The following RIMKLB variants were observed in gnomAD, a reference collection of about 807,000 sequenced individuals.
The protein encoded by RIMKLB is beta-citrylglutamate synthase B.
Under a neutral mutation model 32.0 loss-of-function variants are expected in RIMKLB, and 7 were observed. That is an observed-to-expected ratio of 0.22 (90% CI 0.12 to 0.41). The LOEUF (loss-of-function observed/expected upper bound fraction) is 0.41, where lower values mean the gene tolerates loss of function less well. RIMKLB is among the 10% of genes least tolerant of loss of function. The probability of loss-of-function intolerance (pLI) is 1.00; values close to 1 mark genes in which losing one functional copy is unlikely to be tolerated. For synonymous variants in RIMKLB, 172 were observed against 185.1 expected (o/e 0.93, Z 0.57); for missense variants, 289 against 498.7 (o/e 0.58, Z 4.00).
intron 2 of RIMKLB, among the ~76,000 whole-genome samples, chr12:8,727,696 C>T (rs1946161114): frequency 6.6e-6 from 1 of 151,984 alleles, no homozygotes. Context: ...GTCAGGAGTT[C>T]AAGACCAGCC....
At position 8,719,059 on chromosome 12, in the gene RIMKLB, C is replaced by T. The variant is rs747779336; in HGVS notation, c.175+5018C>T. ...CTCTTTCTCCCTCCTGTTCATCCTC[C>T]TCCTTCCCTCCCTCTCACCCATCTC... On this transcript the variant is annotated intron_variant, in intron 2 of 5. Coordinates refer to ENST00000535829, the MANE Select transcript of RIMKLB (RefSeq NM_001297776.2). Among the ~76,000 whole-genome samples the T allele has an allele frequency of 2.8e-4, 43 of 152,230 alleles. No individual in the cohort carries two copies. In the South Asian group the frequency reaches 8.5e-3, roughly 30 times the overall value.
chr12:8,782,665 C>G (rs755336305), intron 7 of RIMKLB, among the ~76,000 whole-genome samples: 2 of 151,936 alleles, frequency 1.3e-5, no homozygotes, highest in African/African-American at 2.4e-5. Flanking sequence ...ATAGATTTAG[C>G]TTTTATTTTT....
Position 8,713,801 on chromosome 12 carries a change from T to G in RIMKLB, c.-56-10T>G, listed in dbSNP as rs1944573179. 6.6e-7 allele frequency: 1 copy of G among 1,504,268 alleles called. No individual in the cohort carries two copies. The highest frequency in any genetic ancestry group is 1.7e-5 in the Admixed American group (1 of 59,286). The allele number at this position is 1,504,268 out of a possible 1,614,324, so 93.2% of individuals were successfully genotyped here. On this transcript the variant is annotated splice_polypyrimidine_tract_variant and intron_variant, in intron 1 of 5. Transcript: ENST00000535829. ...ATTTACCTTTTATGTATATTTTTTC[T>G]TCCATCTAGGTAGACGTTACATCCA...
chr12:8,676,382 C>CTTT, the RIMKLB span, among the ~76,000 whole-genome samples: 355 of 37,388 alleles, frequency 9.5e-3, 38 homozygotes, highest in Non-Finnish European at 0.012. Context: ...CCCCCAACAG[C>CTTT]TTTTTTTTTT....
Position 8,758,815 on chromosome 12 carries a change from A to G in RIMKLB, c.697+4722A>G, listed in dbSNP as rs187551488. Among the ~76,000 whole-genome samples the G allele has an allele frequency of 4.7e-4, 71 of 152,282 alleles. No individual in the cohort carries two copies. The East Asian group carries it at 0.013, about 27-fold the overall frequency. On this transcript the variant is annotated intron_variant, in intron 5 of 5. Coordinates refer to ENST00000535829, the MANE Select transcript of RIMKLB (RefSeq NM_001297776.2). ...TTTATTACTACTTTGTAACGTGTTT[A>G]ATTTCCATATGTGCATTGGTCTATT...
At chr12:8,669,559 G>T in the RIMKLB span, among the ~76,000 whole-genome samples, 3 of 152,092 alleles carry the variant, frequency 2.0e-5, no homozygotes, top group African/African-American at 4.8e-5. Context: ...TTTGTCATGT[G>T]TTAGGCTATG....
rs776904178 is a variant in RIMKLB, at chr12:8,730,186, A to G, written c.175+16145A>G. ...CTGCAGCCTCCAACCCCTAGGCTCA[A>G]GTGATTCTCCCACCTCAGCCTCCCA... is the stretch of plus-strand genomic sequence containing the variant. On this transcript the variant is annotated intron_variant, in intron 2 of 5. Transcript: ENST00000535829. 4.6e-5 allele frequency among the ~76,000 whole-genome samples: 7 copies of G among 152,240 alleles called. No homozygotes were observed. In the South Asian group the frequency reaches 1.5e-3, roughly 32 times the overall value.
intron 5 of RIMKLB, among the ~76,000 whole-genome samples, chr12:8,755,817 T>A (rs1948977340): frequency 6.6e-6 from 1 of 152,074 alleles, no homozygotes; most frequent in African/African-American, 2.4e-5. Context: ...AAAACCAGCC[T>A]GGGCAATCGA....
At position 8,776,244 on chromosome 12, in the gene RIMKLB, G is replaced by GCATTCACATGATATTAAAACGTA. The variant is rs1334662560; in HGVS notation, c.*2463_*2485dup. On this transcript the variant is annotated 3_prime_UTR_variant, in exon 6 of 6. Transcript: ENST00000535829. ...GTTCATTAGCTTTATTCACTATTAT[G>GCATTCACATGATATTAAAACGTA]CATTCACATGATATTAAAACGTACA... The GCATTCACATGATATTAAAACGTA allele has an allele frequency of 3.7e-5, 36 of 977,838 alleles. No individual in the cohort carries two copies. The highest frequency in any genetic ancestry group is 6.1e-5 in the Admixed American group (1 of 16,270). The allele number at this position is 977,838 out of a possible 1,614,324, so 60.6% of individuals were successfully genotyped here. A position where few individuals can be genotyped will look rare whatever the true frequency, so the allele number is the denominator to read the frequency against.
rs151164050 is a variant in RIMKLB at position 8,759,410 on chromosome 12, A to G, written c.697+5317A>G. On this transcript the variant is annotated intron_variant, in intron 5 of 5. Transcript: ENST00000535829. Reference sequence around the variant, plus strand: ...ACTCCGTCTCTAAATAATCAATCAGATTACTTTTTAAAAAGCCCATAACTT... The same window carrying G: ...ACTCCGTCTCTAAATAATCAATCAGGTTACTTTTTAAAAAGCCCATAACTT... Among the ~76,000 whole-genome samples, 22 of 152,224 alleles carry G rather than the reference A, an allele frequency of 1.4e-4. No individual in the cohort carries two copies. In the East Asian group the frequency reaches 4.2e-3, roughly 29 times the overall value.
intron 2 of RIMKLB, among the ~76,000 whole-genome samples, chr12:8,746,302 C>T (rs944419368): frequency 6.6e-6 from 1 of 151,586 alleles, no homozygotes; most frequent in Non-Finnish European, 1.5e-5. Flanking sequence ...TCACTGCTAA[C>T]GCCTAAGAAA....
At chr12:8,742,441 T>C (rs1399951005) in intron 2 of RIMKLB, 2 of 349,904 alleles carry the variant, frequency 5.7e-6, no homozygotes, top group East Asian at 1.8e-4. Context: ...TCTGGAACCT[T>C]TATGTCCTAC....
chr12:8,772,734 G>A (rs932429779), intron 5 of RIMKLB, among the ~76,000 whole-genome samples: 1 of 152,154 alleles, frequency 6.6e-6, no homozygotes, highest in Non-Finnish European at 1.5e-5. Context: ...TTACTTTCCT[G>A]TCCTTAGTTC....
intron 1 of RIMKLB, among the ~76,000 whole-genome samples, chr12:8,701,901 G>A (rs1011813925): frequency 6.6e-6 from 1 of 151,780 alleles, no homozygotes; most frequent in East Asian, 1.9e-4. Flanking sequence ...GCTACTCGGG[G>A]GGGCTGAGGC....
At chr12:8,780,564 T>TG (rs1950972917), downstream of RIMKLB, 1 of 152,212 alleles carries the variant, frequency 6.6e-6, no homozygotes, top group Non-Finnish European at 1.5e-5. Flanking sequence ...CTATATACCC[T>TG]TCTGCTGCAG....
chr12:8,702,008 T>TAAAA (rs773678189), intron 1 of RIMKLB, among the ~76,000 whole-genome samples: 3 of 137,776 alleles, frequency 2.2e-5, no homozygotes, highest in African/African-American at 7.9e-5. Flanking sequence ...TCCATCTCAA[T>TAAAA]AAAAAAAAAA....
intron 5 of RIMKLB, among the ~76,000 whole-genome samples, chr12:8,755,648 T>C (rs866280042): frequency 1.3e-5 from 2 of 152,110 alleles, no homozygotes; most frequent in African/African-American, 4.8e-5. Context: ...CCTCCTAATC[T>C]CTTCCTAACA....
chr12:8,760,449 A>G (rs11047108), intron 5 of RIMKLB, among the ~76,000 whole-genome samples: 5,011 of 152,298 alleles, frequency 0.033, 280 homozygotes, highest in African/African-American at 0.11. Flanking sequence ...AATCCTTTGG[A>G]TACATACCCA....
intron 1 of RIMKLB, among the ~76,000 whole-genome samples, chr12:8,691,519 A>G (rs1942732636): frequency 6.6e-6 from 1 of 152,194 alleles, no homozygotes; most frequent in African/African-American, 2.4e-5. Flanking sequence ...ATGAGGCACC[A>G]GAATTGTTTG....
Sources: allele counts gnomAD v4.1 joint callset (sites outside exome capture counted in the v4.1 genomes callset), GRCh38; gene constraint gnomAD v4.1.1; transcripts MANE v1.5; gene names NCBI Gene and HGNC (gene_info 2026-07-23, HGNC 2026-07-21).